ARHGAP21: variants seen among roughly 807,000 people sequenced by gnomAD.
The protein encoded by ARHGAP21 is Rho GTPase activating protein 21, also known as rho GTPase-activating protein 21.
A neutral mutation model predicts 164.6 loss-of-function variants in ARHGAP21; 38 were observed. That is an observed-to-expected ratio of 0.23 (90% CI 0.18 to 0.30). The LOEUF is 0.30. ARHGAP21 is among the 10% of genes least tolerant of loss of function. The pLI, the probability that ARHGAP21 is intolerant of heterozygous loss-of-function variation, is 1.00. For missense variants in ARHGAP21, 1,822 were observed against 2,370.7 expected, an observed-to-expected ratio of 0.77 and a Z score of 4.81; for synonymous variants, 766 against 857.9, an observed-to-expected ratio of 0.89 and a Z score of 1.87.
At chr10:24,700,026 A>G (rs1177177077) in intron 2 of ARHGAP21, among the ~76,000 whole-genome samples, 1 of 152,108 alleles carries the variant, frequency 6.6e-6, no homozygotes, top group East Asian at 1.9e-4. Context: ...TGATAGCTGC[A>G]ATTCTGAAGC....
At chr10:24,709,701 T>C (rs1009539518) in intron 2 of ARHGAP21, among the ~76,000 whole-genome samples, 2 of 150,552 alleles carry the variant, frequency 1.3e-5, no homozygotes, top group African/African-American at 4.9e-5. Flanking sequence ...TTCATGTCAC[T>C]GCACTGCAGG....
At chr10:24,674,260 A>G (rs1304161988) in intron 2 of ARHGAP21, among the ~76,000 whole-genome samples, 1 of 152,054 alleles carries the variant, frequency 6.6e-6, no homozygotes, top group Non-Finnish European at 1.5e-5. Context: ...GTAGCTGGGC[A>G]CAGTGGCTCA....
At position 24,613,873 on chromosome 10, in the gene ARHGAP21, G is replaced by A. The variant is rs116962499; in HGVS notation, c.2422+5600C>T. On this transcript the variant is annotated intron_variant, in intron 9 of 25. Coordinates refer to ENST00000396432, the MANE Select transcript of ARHGAP21 (RefSeq NM_020824.4). ...GAAGGATCACTTCTAGATTTGCCAC[G>A]GTTAACAGGTTACAATTACTTGGCT... Among the ~76,000 whole-genome samples, 233 of 149,250 alleles carry A rather than the reference G, an allele frequency of 1.6e-3. 5 individuals are homozygous for A. The East Asian group carries it at 0.038, about 24-fold the overall frequency.
chr10:24,692,920 G>A (rs1435007189), intron 2 of ARHGAP21, among the ~76,000 whole-genome samples: 1 of 151,650 alleles, frequency 6.6e-6, no homozygotes, highest in African/African-American at 2.4e-5. Context: ...CAAATTTTTA[G>A]ACAATTTACA....
At chr10:24,593,590 T>TGATATTCCATAAAATAC (rs2076435476) in intron 21 of ARHGAP21, among the ~76,000 whole-genome samples, 1 of 151,260 alleles carries the variant, frequency 6.6e-6, no homozygotes, top group Non-Finnish European at 1.5e-5. Flanking sequence ...GTATTTTTCT[T>TGATATTCCATAAAATAC]GAAAGATATT....
chr10:24,668,127 G>A (rs1593230790), intron 3 of ARHGAP21, among the ~76,000 whole-genome samples: 1 of 152,224 alleles, frequency 6.6e-6, no homozygotes, highest in East Asian at 1.9e-4. Context: ...TGTGTTAGTC[G>A]ACTTATCCAA....
chr10:24,721,779 G>A, intron 2 of ARHGAP21, 58 bp downstream of exon 2: 1 of 1,596,746 alleles, frequency 6.3e-7, no homozygotes, highest in East Asian at 2.3e-5. Flanking sequence ...CCAACTTGCA[G>A]GACGCTCAAG....
intron 21 of ARHGAP21, among the ~76,000 whole-genome samples, chr10:24,592,289 G>A (rs918501090): frequency 2.0e-5 from 3 of 151,014 alleles, no homozygotes; most frequent in East Asian, 2.0e-4. Flanking sequence ...TCTCGAAATC[G>A]TGGACTCAAG....
At chr10:24,702,127 C>CTTTTTTT (rs71798625) in intron 2 of ARHGAP21, among the ~76,000 whole-genome samples, 30 of 104,596 alleles carry the variant, frequency 2.9e-4, no homozygotes, top group Non-Finnish European at 3.6e-4. Context: ...ACTTCCGGTT[C>CTTTTTTT]TTTTTTTTTT....
intron 2 of ARHGAP21, among the ~76,000 whole-genome samples, chr10:24,690,856 A>C (rs1005622214): frequency 1.3e-5 from 2 of 150,840 alleles, no homozygotes; most frequent in African/African-American, 4.9e-5. Flanking sequence ...ATATATATAC[A>C]CATATATATA....
At position 24,600,637 on chromosome 10, in the gene ARHGAP21, A is replaced by G; in HGVS notation, c.3132+9T>C. The G allele has an allele frequency of 6.2e-7, 1 of 1,610,730 alleles. No individual in the cohort carries two copies. Among genetic ancestry groups the G allele is most frequent in the Middle Eastern group, 1.7e-4 (1 of 6,042 alleles). On this transcript the variant is annotated intron_variant, in intron 14 of 25. Coordinates refer to ENST00000396432, the MANE Select transcript of ARHGAP21 (RefSeq NM_020824.4). ...GTCAGATTTCTCCAGCATTCCTTTG[A>G]ACACCCACCTCTTCGTTTAGGTTGC...
chr10:24,590,880 C>T (rs988566726), intron 24 of ARHGAP21: 4 of 983,150 alleles, frequency 4.1e-6, no homozygotes, highest in Non-Finnish European at 4.8e-6. Flanking sequence ...ACAGCAACCA[C>T]ATACTCAGTA....
intron 4 of ARHGAP21, among the ~76,000 whole-genome samples, chr10:24,654,218 C>G (rs1342607798): frequency 2.6e-5 from 4 of 152,138 alleles, no homozygotes; most frequent in Non-Finnish European, 5.9e-5. Context: ...AACTGGCACA[C>G]AACAGGGATG....
At chr10:24,646,519 T>C (rs1237861318) in intron 4 of ARHGAP21, among the ~76,000 whole-genome samples, 1 of 152,146 alleles carries the variant, frequency 6.6e-6, no homozygotes, top group Non-Finnish European at 1.5e-5. Context: ...AAGCCTGTGG[T>C]CCCAGCTATT....
chr10:24,616,147 G>A (rs1487118716), intron 9 of ARHGAP21, among the ~76,000 whole-genome samples: 1 of 152,088 alleles, frequency 6.6e-6, no homozygotes, highest in Non-Finnish European at 1.5e-5. Flanking sequence ...CTAAGCTTAA[G>A]TACCAATGGC....
At chr10:24,715,437 T>C (rs574488109) in intron 2 of ARHGAP21, among the ~76,000 whole-genome samples, 1 of 152,348 alleles carries the variant, frequency 6.6e-6, no homozygotes, top group East Asian at 1.9e-4. Context: ...AGATTATCTT[T>C]TTATAGCTTC....
At chr10:24,609,636 C>G (rs937850050) in intron 9 of ARHGAP21, among the ~76,000 whole-genome samples, 1 of 152,112 alleles carries the variant, frequency 6.6e-6, no homozygotes, top group African/African-American at 2.4e-5. Flanking sequence ...TCTTGATTCC[C>G]TTTGAAAATA....
At chr10:24,602,879 G>C (rs555260587) in intron 12 of ARHGAP21, among the ~76,000 whole-genome samples, 10 of 152,260 alleles carry the variant, frequency 6.6e-5, no homozygotes, top group African/African-American at 2.4e-4. Context: ...GGGGGAAAGT[G>C]AAAAAGAAGA....
At chr10:24,712,420 A>G (rs1371661652) in intron 2 of ARHGAP21, among the ~76,000 whole-genome samples, 1 of 152,214 alleles carries the variant, frequency 6.6e-6, no homozygotes, top group Non-Finnish European at 1.5e-5. Flanking sequence ...GCGGATACCA[A>G]AATCCACGCA....
Sources: allele counts gnomAD v4.1 joint callset (sites outside exome capture counted in the v4.1 genomes callset), GRCh38; gene constraint gnomAD v4.1.1; transcripts MANE v1.5; gene names NCBI Gene and HGNC (gene_info 2026-07-23, HGNC 2026-07-21).